The following CXXC5 variants were observed in gnomAD, a reference collection of about 807,000 sequenced individuals.
CXXC5 encodes the protein CXXC-type zinc finger protein 5.
A neutral mutation model predicts 17.6 loss-of-function variants in CXXC5; 2 were observed. The ratio of observed to expected loss-of-function variants is 0.11; its 90% CI spans 0.05 to 0.36. The LOEUF (loss-of-function observed/expected upper bound fraction) is 0.36, where lower values mean the gene tolerates loss of function less well. Among genes scored for constraint, CXXC5 ranks in the 10% least tolerant of loss-of-function variants. The pLI, the probability that CXXC5 is intolerant of heterozygous loss-of-function variation, is 1.00. For missense variants in CXXC5, 343 were observed against 458.3 expected, an observed-to-expected ratio of 0.75 and a Z score of 2.30; for synonymous variants, 171 against 193.0, an observed-to-expected ratio of 0.89 and a Z score of 0.94.
At chr5:139,672,700 C>T (rs1359175888) in intron 1 of CXXC5, among the ~76,000 whole-genome samples, 1 of 152,162 alleles carries the variant, frequency 6.6e-6, no homozygotes, top group Non-Finnish European at 1.5e-5. Flanking sequence ...GCCCTGGGAT[C>T]GTGACTTCTG....
chr5:139,667,843 A>C (rs1439384029), intron 1 of CXXC5, among the ~76,000 whole-genome samples: 1 of 152,174 alleles, frequency 6.6e-6, no homozygotes, highest in Admixed American at 6.5e-5. Context: ...CGCCATCCTT[A>C]TTATTACTAC....
intron 1 of CXXC5, among the ~76,000 whole-genome samples, chr5:139,678,471 TC>T (rs1756986549): frequency 6.6e-6 from 1 of 152,094 alleles, no homozygotes; most frequent in Non-Finnish European, 1.5e-5. Flanking sequence ...CTCACCCATT[TC>T]CCTCTGCTAG....
chr5:139,653,797 C>A (rs1368671977), intron 1 of CXXC5, among the ~76,000 whole-genome samples: 2 of 152,122 alleles, frequency 1.3e-5, no homozygotes, highest in Non-Finnish European at 2.9e-5. Flanking sequence ...TCAATTAGAT[C>A]GCAAATTCTT....
chr5:139,649,592 TC>T (rs1172030675), intron 1 of CXXC5: 6 of 151,876 alleles, frequency 4.0e-5, no homozygotes, highest in Non-Finnish European at 7.4e-5. Context: ...ACCTTTTTTT[TC>T]CATCAAAGTA....
In CXXC5 at chr5:139,658,208, C is replaced by T. The variant is rs1218576731; in HGVS notation, c.-161+9363C>T. ...GACCTGGCCCCCTTTCTTCCTGGGG[C>T]GGTCAGATCTTGGTGGCCTAGAATT... On this transcript the variant is annotated intron_variant, in intron 1 of 2. Coordinates refer to ENST00000302517, the MANE Select transcript of CXXC5 (RefSeq NM_016463.9). The surrounding 1 kb of genome is among the most constrained non-coding windows in gnomAD (Gnocchi z 4.1). Among the ~76,000 whole-genome samples, 1 of 152,060 alleles carries T rather than the reference C, an allele frequency of 6.6e-6. No individual in the cohort carries two copies. Among genetic ancestry groups the T allele is most frequent in the Non-Finnish European group, 1.5e-5 (1 of 68,008 alleles).
chr5:139,677,196 C>T, intron 1 of CXXC5, among the ~76,000 whole-genome samples: 1 of 152,036 alleles, frequency 6.6e-6, no homozygotes, highest in East Asian at 1.9e-4. Context: ...CCTGGCAGGG[C>T]CGATGATGGA....
intron 1 of CXXC5, among the ~76,000 whole-genome samples, chr5:139,652,186 GTGTGTGTGTGGCTGTGTA>G (rs1755249556): frequency 6.6e-6 from 1 of 151,148 alleles, no homozygotes; most frequent in East Asian, 2.0e-4. Flanking sequence ...GTGTGTGTGT[GTGTGTGTGTGGCTGTGTA>G]TGTGTGTGTG....
chr5:139,670,582 C>CA lies in CXXC5; in HGVS notation c.-160-9781dup. On this transcript the variant is annotated intron_variant, in intron 1 of 2. Coordinates refer to ENST00000302517, the MANE Select transcript of CXXC5 (RefSeq NM_016463.9). This position sits in a 1 kb window ranked among gnomAD's most constrained non-coding sequence, Gnocchi z 4.2. ...ACAACTCACAGTGCATGCGGACATA[C>CA]ACACACTGGCATTCATGCGGCAAAG... is the stretch of plus-strand genomic sequence containing the variant. Among the ~76,000 whole-genome samples the CA allele has an allele frequency of 6.6e-6, 1 of 152,338 alleles. No individual in the cohort carries two copies. The highest frequency in any genetic ancestry group is 2.1e-4 in the South Asian group (1 of 4,832).
intron 1 of CXXC5, among the ~76,000 whole-genome samples, chr5:139,662,383 C>T (rs1755868754): frequency 1.3e-5 from 2 of 152,096 alleles, no homozygotes; most frequent in African/African-American, 2.4e-5. Flanking sequence ...GGGGTTGGGG[C>T]CTGCCTTCCT....
At chr5:139,659,033 A>G (rs991538995) in intron 1 of CXXC5, among the ~76,000 whole-genome samples, 8 of 151,982 alleles carry the variant, frequency 5.3e-5, no homozygotes, top group Non-Finnish European at 7.4e-5. Flanking sequence ...CCTGCAGTCA[A>G]CCCCTTTCAG....
intron 1 of CXXC5, among the ~76,000 whole-genome samples, chr5:139,653,460 T>C (rs115807043): frequency 3.9e-4 from 60 of 152,262 alleles, no homozygotes; most frequent in African/African-American, 1.4e-3. Flanking sequence ...CTTGCACATG[T>C]ATGAACGGAG....
intron 1 of CXXC5, among the ~76,000 whole-genome samples, chr5:139,676,312 CCCTCCTCCCCA>C (rs1337165577): frequency 2.7e-5 from 1 of 37,362 alleles, no homozygotes; most frequent in Non-Finnish European, 5.5e-5. Flanking sequence ...TCCCCCCAAG[CCCTCCTCCCCA>C]CCTCCTCCCC....
intron 1 of CXXC5, among the ~76,000 whole-genome samples, chr5:139,654,483 C>T (rs1231445146): frequency 1.3e-5 from 2 of 152,196 alleles, no homozygotes; most frequent in African/African-American, 4.8e-5. Flanking sequence ...TAGTGCCTGG[C>T]AGGGAGAGGT....
intron 2 of CXXC5, 122 bp from the exon 3 acceptor site, chr5:139,682,741 G>C: frequency 2.0e-6 from 2 of 1,016,550 alleles, no homozygotes; most frequent in Non-Finnish European, 2.7e-6. Flanking sequence ...CCGAGGGGTG[G>C]CTGCTCTTCC....
intron 1 of CXXC5, among the ~76,000 whole-genome samples, chr5:139,669,011 C>T (rs1284009915): frequency 6.6e-6 from 1 of 152,152 alleles, no homozygotes. Flanking sequence ...ATGTCTGGAC[C>T]TAGCAGGGCC....
intron 1 of CXXC5, among the ~76,000 whole-genome samples, chr5:139,656,117 G>A (rs953177130): frequency 6.6e-6 from 1 of 152,262 alleles, no homozygotes; most frequent in Non-Finnish European, 1.5e-5. Flanking sequence ...GAACACTTGT[G>A]TGCCATGCCA....
rs1390510218 is a variant in CXXC5 at position 139,658,589 on chromosome 5, G to A, written c.-161+9744G>A. Reference sequence around the variant, plus strand: ...GGATGCGGCTGGCCCACAGGCACAGGAGGGGTCCTCTTGGCGGTGCCCGCC... The same window carrying A: ...GGATGCGGCTGGCCCACAGGCACAGAAGGGGTCCTCTTGGCGGTGCCCGCC... On this transcript the variant is annotated intron_variant, in intron 1 of 2. Transcript: ENST00000302517. This position sits in a 1 kb window ranked among gnomAD's most constrained non-coding sequence, Gnocchi z 4.1. Among the ~76,000 whole-genome samples the A allele has an allele frequency of 6.6e-6, 1 of 152,156 alleles. No individual in the cohort carries two copies. Among genetic ancestry groups the A allele is most frequent in the Non-Finnish European group, 1.5e-5 (1 of 67,996 alleles).
intron 1 of CXXC5, among the ~76,000 whole-genome samples, chr5:139,679,392 G>A (rs1057264223): frequency 2.6e-5 from 4 of 152,232 alleles, no homozygotes; most frequent in African/African-American, 2.4e-5. Context: ...GGCAGGGGAC[G>A]GCTGGTCCTC....
rs1219627359 is a variant in CXXC5, at chr5:139,663,472, CCTT to C, written c.-161+14632_-161+14634del. 6.6e-6 allele frequency among the ~76,000 whole-genome samples: 1 copy of C among 152,032 alleles called. No individual in the cohort carries two copies. The highest frequency in any genetic ancestry group is 1.5e-5 in the Non-Finnish European group (1 of 68,004). ...AAGGCTGTCTAGAAGTGTAGGTAGG[CCTT>C]CTTCCTTTGGGCAGAAGAGGAGATG... On this transcript the variant is annotated intron_variant, in intron 1 of 2. Transcript: ENST00000302517. The surrounding 1 kb of genome is among the most constrained non-coding windows in gnomAD (Gnocchi z 4.2).
Sources: allele counts gnomAD v4.1 joint callset (sites outside exome capture counted in the v4.1 genomes callset), GRCh38; gene constraint gnomAD v4.1.1; non-coding constraint Gnocchi (gnomAD v3.1); transcripts MANE v1.5; gene names NCBI Gene and HGNC (gene_info 2026-07-23, HGNC 2026-07-21).